NDUFS4: variants seen among roughly 807,000 people sequenced by gnomAD.
The protein encoded by NDUFS4 is NADH dehydrogenase [ubiquinone] iron-sulfur protein 4, mitochondrial.
NDUFS4 carries 28 observed loss-of-function variants against 24.3 expected under a neutral mutation model. That is an observed-to-expected ratio of 1.15 (90% confidence interval 0.85 to 1.58). NDUFS4 has a LOEUF of 1.58. Among genes scored for constraint, NDUFS4 ranks in the 40% most tolerant of loss-of-function variants. NDUFS4 has a pLI of 0.00. For synonymous variants in NDUFS4, 93 were observed against 69.7 expected, an observed-to-expected ratio of 1.34 and a Z score of -1.67; for missense variants, 223 against 207.9, an observed-to-expected ratio of 1.07 and a Z score of -0.45.
At chr5:53,651,842 G>A (rs1004727972) in intron 3 of NDUFS4, among the ~76,000 whole-genome samples, 9 of 149,864 alleles carry the variant, frequency 6.0e-5, no homozygotes, top group African/African-American at 2.2e-4. Context: ...GGGCGATCTC[G>A]GCTCACTGCA....
chr5:53,651,774 C>CTTTT (rs34235265), intron 3 of NDUFS4, among the ~76,000 whole-genome samples: 1 of 118,080 alleles, frequency 8.5e-6, no homozygotes. Context: ...TAACTTTATT[C>CTTTT]TTTTTTTTTT....
chr5:53,650,302 T>C (rs1212044812), intron 3 of NDUFS4, among the ~76,000 whole-genome samples: 1 of 152,164 alleles, frequency 6.6e-6, no homozygotes, highest in Non-Finnish European at 1.5e-5. Context: ...CTTCCTCACA[T>C]CTATTGCAAG....
At chr5:53,563,794 G>A (rs372730756) in intron 1 of NDUFS4, among the ~76,000 whole-genome samples, 144 of 152,228 alleles carry the variant, frequency 9.5e-4, no homozygotes, top group African/African-American at 3.2e-3. Context: ...GAGCCACCGC[G>A]CCCATCCCTA....
chr5:53,598,774 T>G (rs1233683619), intron 1 of NDUFS4, among the ~76,000 whole-genome samples: 1 of 152,206 alleles, frequency 6.6e-6, no homozygotes, highest in Non-Finnish European at 1.5e-5. Context: ...ATAAAGTTTA[T>G]TGATTTTCAT....
At chr5:53,657,035 A>G (rs948363894) in intron 3 of NDUFS4, among the ~76,000 whole-genome samples, 1 of 152,158 alleles carries the variant, frequency 6.6e-6, no homozygotes, top group Non-Finnish European at 1.5e-5. Flanking sequence ...TGATTTCTAT[A>G]TGTATGTATT....
chr5:53,671,444 A>C (rs920095241), intron 4 of NDUFS4, among the ~76,000 whole-genome samples: 3 of 152,176 alleles, frequency 2.0e-5, no homozygotes, highest in Non-Finnish European at 4.4e-5. Flanking sequence ...CTGACACACA[A>C]AGAAAATATA....
Position 53,641,935 on chromosome 5 carries a change from A to G in NDUFS4, c.178-4298A>G, listed in dbSNP as rs576639224. 2.0e-5 allele frequency among the ~76,000 whole-genome samples: 3 copies of G among 152,174 alleles called. 1 individual carries two copies. Among genetic ancestry groups the G allele is most frequent in the South Asian group, 4.1e-4 (2 of 4,834 alleles). ...ATAGTCTGCGGTAGAACAAGTTTCT[A>G]TAAACAGTATTTTTAATGTTTCAAT... On this transcript the variant is annotated intron_variant, in intron 2 of 4. Transcript: ENST00000296684.
chr5:53,574,541 AC>A (rs1195974122), intron 1 of NDUFS4, among the ~76,000 whole-genome samples: 2 of 152,014 alleles, frequency 1.3e-5, no homozygotes, highest in East Asian at 3.9e-4. Flanking sequence ...TTATTTTGGT[AC>A]TGTGTTTAGA....
chr5:53,680,591 A>G (rs1163927016), intron 4 of NDUFS4, among the ~76,000 whole-genome samples: 2 of 152,144 alleles, frequency 1.3e-5, no homozygotes, highest in Non-Finnish European at 2.9e-5. Context: ...AAACTATCGC[A>G]AGGACAAAAA....
chr5:53,666,421 C>T (rs256116), intron 4 of NDUFS4, among the ~76,000 whole-genome samples: 120,690 of 152,094 alleles, frequency 0.79, 48,138 homozygotes, highest in African/African-American at 0.87. Context: ...GGAAAGAAAA[C>T]TGAGGAACAC....
At chr5:53,613,047 A>T (rs1437922007) in intron 2 of NDUFS4, among the ~76,000 whole-genome samples, 1 of 152,120 alleles carries the variant, frequency 6.6e-6, no homozygotes, top group African/African-American at 2.4e-5. Flanking sequence ...ACCTACACAA[A>T]AAGATAACCT....
At chr5:53,608,202 A>G in intron 2 of NDUFS4, among the ~76,000 whole-genome samples, 1 of 152,214 alleles carries the variant, frequency 6.6e-6, no homozygotes, top group South Asian at 2.1e-4. Flanking sequence ...ATGTCTAAAA[A>G]ATAATGTACA....
intron 4 of NDUFS4, among the ~76,000 whole-genome samples, chr5:53,676,689 CAA>C (rs1740479429): frequency 6.6e-6 from 1 of 152,182 alleles, no homozygotes; most frequent in African/African-American, 2.4e-5. Flanking sequence ...AGAGCTAAAA[CAA>C]GAAGGCAGAG....
intron 4 of NDUFS4, among the ~76,000 whole-genome samples, chr5:53,667,794 TGAA>T (rs1268338899): frequency 6.6e-6 from 1 of 152,208 alleles, no homozygotes; most frequent in Non-Finnish European, 1.5e-5. Flanking sequence ...CAGGAGAACT[TGAA>T]CAAGTCATGC....
Position 53,567,278 on chromosome 5 carries a change from T to C in NDUFS4, c.98+6518T>C, listed in dbSNP as rs748318421. 3.5e-4 allele frequency among the ~76,000 whole-genome samples: 54 copies of C among 152,240 alleles called. 1 individual carries two copies. The highest frequency in any genetic ancestry group is 2.8e-4 in the Non-Finnish European group (19 of 68,042). On this transcript the variant is annotated intron_variant, in intron 1 of 4. Transcript: ENST00000296684. ...CTTTTGCAGTGAGGAATATTATGTC[T>C]GGTAATAATCAGTTCAAACCCTAAT...
intron 3 of NDUFS4, among the ~76,000 whole-genome samples, chr5:53,649,232 T>C (rs1751951438): frequency 6.6e-6 from 1 of 152,118 alleles, no homozygotes; most frequent in African/African-American, 2.4e-5. Context: ...AGATCCAGGG[T>C]GTACATGTGC....
At chr5:53,630,031 A>C (rs1751360231) in intron 2 of NDUFS4, among the ~76,000 whole-genome samples, 1 of 152,026 alleles carries the variant, frequency 6.6e-6, no homozygotes, top group Non-Finnish European at 1.5e-5. Context: ...GTTCCTTTCC[A>C]TGTTTAGTGC....
At chr5:53,627,389 TTA>T (rs1263212532) in intron 2 of NDUFS4, among the ~76,000 whole-genome samples, 1 of 152,220 alleles carries the variant, frequency 6.6e-6, no homozygotes, top group African/African-American at 2.4e-5. Flanking sequence ...CATATGAAAT[TTA>T]AAGTAGTTTT....
intron 3 of NDUFS4, among the ~76,000 whole-genome samples, chr5:53,652,040 T>C (rs1261146606): frequency 2.5e-4 from 38 of 152,152 alleles, no homozygotes; most frequent in African/African-American, 2.4e-5. Context: ...CCCAAAGTGC[T>C]GGGATTACAG....
Sources: gnomAD v4.1 joint callset for allele counts (sites outside exome capture counted in the v4.1 genomes callset) on GRCh38, gnomAD v4.1.1 for gene constraint, MANE v1.5 for transcripts, NCBI Gene and HGNC (gene_info 2026-07-23, HGNC 2026-07-21) for gene names.